HELQ: variants seen among roughly 807,000 people sequenced by gnomAD.
The protein encoded by HELQ is helicase POLQ-like.
A neutral mutation model predicts 111.6 loss-of-function variants in HELQ; 77 were observed. That is an observed-to-expected ratio of 0.69 (90% CI 0.57 to 0.83). HELQ has a LOEUF of 0.83. Ranked by LOEUF, HELQ falls within the 40% of genes least tolerant of loss-of-function variation. The pLI is 0.00. For missense variants in HELQ, 1,200 were observed against 1,288.5 expected (o/e 0.93, Z 1.05); for synonymous variants, 438 against 454.7 (o/e 0.96, Z 0.47).
Position 83,441,299 on chromosome 4 carries a change from T to C in HELQ, c.1662+6A>G, listed in dbSNP as rs56253838. ...TAACCTGGAATTTAAATGTTATCAA[T>C]GTTACCTTATAATTAAGAAGACGTG... On this transcript the variant is annotated splice_donor_region_variant and intron_variant, in intron 7 of 17. Transcript: ENST00000295488. The C allele has an allele frequency of 0.017, 25,010 of 1,501,900 alleles. 3,447 individuals carry two copies. The African/African-American group carries it at 0.3, about 18-fold the overall frequency. 93.0% of individuals were successfully genotyped at this position (1,501,900 alleles called of 1,614,324 possible). A position where few individuals can be genotyped will look rare whatever the true frequency, so the allele number is the denominator to read the frequency against.
chr4:83,414,170 T>C (rs796657724), intron 17 of HELQ, among the ~76,000 whole-genome samples: 14 of 152,248 alleles, frequency 9.2e-5, no homozygotes, highest in African/African-American at 3.4e-4. Context: ...TCAGCTAGGG[T>C]GGTCCTAGCT....
At position 83,453,428 on chromosome 4, in the gene HELQ, G is replaced by C. The variant is rs776210911; in HGVS notation, c.815C>G (p.Ala272Gly). ...CTGGGCCTTCGCATTTCCAGTCATG[G>C]CATTTTTTAGATGATCTTTAATACT... Reference protein sequence around the residue: ...RKSIKDHLKNAMTGNAKAQTP... With the variant: ...RKSIKDHLKNGMTGNAKAQTP... Residue 272 changes from alanine (A) to glycine (G), a missense_variant, in exon 2 of 18, where the codon GCC (alanine) becomes GGC (glycine). This residue lies in a region of HELQ where 610 missense variants were observed against 607.1 expected (regional missense o/e 1.00). Transcript: ENST00000295488. 7.5e-6 allele frequency: 12 copies of C among 1,602,714 alleles called. No individual in the cohort carries two copies. Among genetic ancestry groups the C allele is most frequent in the Non-Finnish European group, 9.4e-6 (11 of 1,176,392 alleles).
At chr4:83,438,113 T>A (rs1720559387) in intron 8 of HELQ, among the ~76,000 whole-genome samples, 1 of 152,240 alleles carries the variant, frequency 6.6e-6, no homozygotes, top group East Asian at 1.9e-4. Context: ...ATTTTGCTAT[T>A]CAATAAATTT....
chr4:83,447,719 C>T (rs956644861), intron 3 of HELQ, among the ~76,000 whole-genome samples: 3 of 151,580 alleles, frequency 2.0e-5, no homozygotes, highest in African/African-American at 7.3e-5. Flanking sequence ...ATTAGCCGGG[C>T]GTGGTGGCGT....
intron 14 of HELQ, among the ~76,000 whole-genome samples, chr4:83,423,445 A>G (rs1719651362): frequency 6.6e-6 from 1 of 152,224 alleles, no homozygotes; most frequent in African/African-American, 2.4e-5. Flanking sequence ...AAAAAGTATG[A>G]CAGCTGAACA....
Position 83,455,822 on chromosome 4 carries a change from T to C in HELQ, c.-129A>G. The C allele has an allele frequency of 1.0e-6, 1 of 959,696 alleles. No homozygotes were observed. Among genetic ancestry groups the C allele is most frequent in the Non-Finnish European group, 1.6e-6 (1 of 638,170 alleles). 59.4% of individuals were successfully genotyped at this position (959,696 alleles called of 1,614,324 possible). A position where few individuals can be genotyped will look rare whatever the true frequency, so the allele number is the denominator to read the frequency against. On this transcript the variant is annotated 5_prime_UTR_variant, in exon 1 of 18. Transcript: ENST00000295488. ...TTGGGAAAAGACCCCAAGTTAGCTC[T>C]CAGGGCTCGCGGACCGGAAGCACGC... is the stretch of plus-strand genomic sequence containing the variant.
chr4:83,455,142 T>A (rs1479396988), intron 1 of HELQ: 5 of 546,400 alleles, frequency 9.2e-6, no homozygotes, highest in Admixed American at 3.3e-5. Context: ...CAGTAGGAGC[T>A]GCAGTTATCT....
intron 16 of HELQ, among the ~76,000 whole-genome samples, chr4:83,417,072 A>G (rs956430790): frequency 3.3e-5 from 5 of 152,216 alleles, no homozygotes; most frequent in African/African-American, 7.2e-5. Context: ...CTATAGTTCT[A>G]TGCAGCTTGA....
Position 83,418,148 on chromosome 4 carries a change from G to A in HELQ, c.3008C>T (p.Thr1003Ile). The stretch of plus-strand genomic sequence containing the variant: ...GATTAATTCTGCCTTTACACAGTAA[G>A]TCAGCTTCTTGGTAAGTTCTACCAA... ...ALLVELTKKLTYCVKAELIPL... is the reference protein window; with the variant it reads ...ALLVELTKKLIYCVKAELIPL... Residue 1003 changes from threonine to isoleucine, a missense_variant, in exon 16 of 18, where the codon ACT becomes ATT. This residue lies in a region of HELQ where 585 missense variants were observed against 665.3 expected (regional missense o/e 0.88). Transcript: ENST00000295488. The A allele has an allele frequency of 6.2e-7, 1 of 1,611,114 alleles. No individual in the cohort carries two copies. Among genetic ancestry groups the A allele is most frequent in the African/African-American group, 1.3e-5 (1 of 74,982 alleles).
At chr4:83,419,731 T>G (rs1017069134) in intron 15 of HELQ, among the ~76,000 whole-genome samples, 2 of 152,004 alleles carry the variant, frequency 1.3e-5, no homozygotes, top group Non-Finnish European at 2.9e-5. Flanking sequence ...AAATACATTT[T>G]AAAGGCTAGC....
At chr4:83,415,976 T>G (rs1578066169) in intron 17 of HELQ, among the ~76,000 whole-genome samples, 2 of 141,464 alleles carry the variant, frequency 1.4e-5, no homozygotes, top group African/African-American at 5.4e-5. Flanking sequence ...AGACAGAATC[T>G]CGCTCTGTCA....
chr4:83,417,689 T>C (rs985991318), intron 16 of HELQ, among the ~76,000 whole-genome samples: 16 of 152,114 alleles, frequency 1.1e-4, no homozygotes, highest in Admixed American at 5.9e-4. Flanking sequence ...TTCTTCTTAC[T>C]CTCTTAGAAA....
At chr4:83,441,459 GT>G in intron 6 of HELQ, 56 bp from the exon 7 acceptor site, 1 of 810,466 alleles carries the variant, frequency 1.2e-6, no homozygotes, top group Non-Finnish European at 2.0e-6. Flanking sequence ...TCTTTCCAGT[GT>G]TTTAAATATT....
chr4:83,442,701 G>A (rs552872373), intron 6 of HELQ, among the ~76,000 whole-genome samples: 5 of 151,898 alleles, frequency 3.3e-5, no homozygotes, highest in South Asian at 2.1e-4. Flanking sequence ...GTGAGCCACC[G>A]CGCCTGGCTG....
In HELQ at chr4:83,437,026, T is replaced by C. The variant is rs761981946; in HGVS notation, c.1880A>G (p.Asn627Ser). ...IKNLKNIGNG[N>S]LCPVLKRTIP... ...AGTGCGCTTTAAAACAGGACACAGG[T>C]TGCCATTGCCAATATTCTTCAAGTT... Residue 627 changes from asparagine to serine, a missense_variant, in exon 9 of 18, where the codon AAC becomes AGC. By Grantham distance (46) the Asn-to-Ser change is conservative. Around this residue, in one of 3 missense-constraint regions of HELQ, gnomAD observed 585 missense variants for 665.3 expected, o/e 0.88. Transcript: ENST00000295488. 2.2e-5 allele frequency: 35 copies of C among 1,613,924 alleles called. No homozygotes were observed. The Middle Eastern group carries it at 4.9e-4, about 23-fold the overall frequency.
At chr4:83,448,482 C>G (rs796849533) in intron 3 of HELQ, among the ~76,000 whole-genome samples, 9 of 151,856 alleles carry the variant, frequency 5.9e-5, no homozygotes, top group African/African-American at 2.2e-4. Context: ...CCAGCCTGGC[C>G]AATATGGTGA....
At chr4:83,420,456 A>AC (rs147119910) in intron 15 of HELQ, among the ~76,000 whole-genome samples, 2,607 of 151,022 alleles carry the variant, frequency 0.017, 24 homozygotes, top group Middle Eastern at 0.031. Flanking sequence ...TCATAGTGAG[A>AC]CCCCCCACCC....
At position 83,454,512 on chromosome 4, in the gene HELQ, C is replaced by T. The variant is rs568393799; in HGVS notation, c.298-567G>A. Among the ~76,000 whole-genome samples, 5 of 151,912 alleles carry T rather than the reference C, an allele frequency of 3.3e-5. No individual in the cohort carries two copies. In the South Asian group the frequency reaches 1.0e-3, roughly 32 times the overall value. On this transcript the variant is annotated intron_variant, in intron 1 of 17. Transcript: ENST00000295488. ...GCAGTCTTGACATCCTGGGCTCAAG[C>T]GATCCTCCTGCCTCAGCCTCCCAAG...
intron 6 of HELQ, 39 bp from the exon 7 acceptor site, chr4:83,441,442 A>T: frequency 1.1e-6 from 1 of 914,398 alleles, no homozygotes; most frequent in Non-Finnish European, 1.7e-6. Context: ...TACGACATAT[A>T]AATTCATCTT....
Sources: allele counts gnomAD v4.1 joint callset (sites outside exome capture counted in the v4.1 genomes callset), GRCh38; gene constraint gnomAD v4.1.1; regional missense constraint gnomAD v4.1.1; transcripts MANE v1.5; gene names NCBI Gene and HGNC (gene_info 2026-07-23, HGNC 2026-07-21).